The following SUMF1 variants were observed in gnomAD, a reference collection of about 807,000 sequenced individuals.
SUMF1 encodes formylglycine-generating enzyme.
SUMF1 carries 48 observed loss-of-function variants against 47.6 expected under a neutral mutation model. The ratio of observed to expected loss-of-function variants is 1.01; its 90% CI spans 0.80 to 1.28. The LOEUF is 1.28. Among genes scored for constraint, SUMF1 ranks in the 50% most tolerant of loss-of-function variants. The pLI is 0.00. For missense variants in SUMF1, 571 were observed against 485.4 expected (o/e 1.18, Z -1.66); for synonymous variants, 230 against 192.1 (o/e 1.20, Z -1.63).
At chr3:4,179,664 A>G (rs1342925227) in intron 8 of SUMF1, among the ~76,000 whole-genome samples, 1 of 152,192 alleles carries the variant, frequency 6.6e-6, no homozygotes, top group African/African-American at 2.4e-5. Context: ...CACCAAAAGC[A>G]ATGGCAACAA....
intron 8 of SUMF1, among the ~76,000 whole-genome samples, chr3:4,163,709 G>C (rs754753429): frequency 1.3e-5 from 2 of 151,694 alleles, no homozygotes; most frequent in Non-Finnish European, 2.9e-5. Flanking sequence ...ACAACATCTG[G>C]GTTTCCTAAC....
chr3:4,376,408 G>A lies in SUMF1; in HGVS notation c.955-19C>T. 2 of 1,613,898 alleles carry A rather than the reference G, an allele frequency of 1.2e-6. No homozygotes were observed. Among genetic ancestry groups the A allele is most frequent in the Non-Finnish European group, 1.7e-6 (2 of 1,179,794 alleles). ...GACCTTTCTACAGATGAAGAAAAAAGGCTATGTTAGACCAGAAGGCAAAGC... is the reference window on the plus strand; with the variant it reads ...GACCTTTCTACAGATGAAGAAAAAAAGCTATGTTAGACCAGAAGGCAAAGC... On this transcript the variant is annotated intron_variant, in intron 7 of 8. Coordinates refer to ENST00000272902, the MANE Select transcript of SUMF1 (RefSeq NM_182760.4).
rs775114482 is a variant in SUMF1, at chr3:4,316,975, C to T, written c.1014+59355G>A. On this transcript the variant is annotated intron_variant and NMD_transcript_variant, in intron 8 of 12. Coordinates refer to the SUMF1 transcript ENST00000448413. ...CACGACAATGCCCGACCGCATGTTG[C>T]ACAACCCACACTTCAAAAGTTGAAT... is the stretch of plus-strand genomic sequence containing the variant. 6.5e-6 allele frequency: 10 copies of T among 1,549,286 alleles called. No individual in the cohort carries two copies. The South Asian group carries it at 1.1e-4, about 17-fold the overall frequency.
At chr3:4,144,696 A>C (rs1399150161) in intron 8 of SUMF1, among the ~76,000 whole-genome samples, 1 of 152,160 alleles carries the variant, frequency 6.6e-6, no homozygotes, top group East Asian at 1.9e-4. Context: ...TAATATTCAG[A>C]ATGATTACCC....
At chr3:4,401,779 T>A (rs1212371382) in intron 7 of SUMF1, among the ~76,000 whole-genome samples, 1 of 152,200 alleles carries the variant, frequency 6.6e-6, no homozygotes, top group East Asian at 1.9e-4. Context: ...TCTTTTCTTT[T>A]AATGGTTCTG....
intron 8 of SUMF1, among the ~76,000 whole-genome samples, chr3:4,166,251 G>A (rs756543689): frequency 6.6e-6 from 1 of 152,126 alleles, no homozygotes; most frequent in Non-Finnish European, 1.5e-5. Context: ...CCTATAAGAT[G>A]ATATGCCTCA....
intron 8 of SUMF1, among the ~76,000 whole-genome samples, chr3:4,134,858 A>C (rs1351616980): frequency 6.6e-6 from 1 of 152,172 alleles, no homozygotes; most frequent in East Asian, 1.9e-4. Flanking sequence ...ACACAAATAA[A>C]CTAGAAAATC....
chr3:4,177,280 T>C (rs1488634060), intron 8 of SUMF1, among the ~76,000 whole-genome samples: 1 of 152,120 alleles, frequency 6.6e-6, no homozygotes, highest in Non-Finnish European at 1.5e-5. Context: ...ATTGACCACA[T>C]AATTGGAAGT....
intron 8 of SUMF1, among the ~76,000 whole-genome samples, chr3:4,172,573 G>A (rs547995518): frequency 6.6e-6 from 1 of 152,260 alleles, no homozygotes; most frequent in South Asian, 2.1e-4. Flanking sequence ...TTCAGATGGG[G>A]TTAAGTTACT....
chr3:4,313,688 G>T, intron 8 of SUMF1: 4 of 1,613,984 alleles, frequency 2.5e-6, no homozygotes, highest in Non-Finnish European at 2.5e-6. Flanking sequence ...ATCAGTTGTG[G>T]AAATGAGAAG....
intron 8 of SUMF1, among the ~76,000 whole-genome samples, chr3:4,173,916 A>C (rs962726290): frequency 6.6e-6 from 1 of 152,130 alleles, no homozygotes; most frequent in African/African-American, 2.4e-5. Context: ...ATTAGGAGAA[A>C]TACCTAATGT....
chr3:4,284,110 G>A (rs984507921), intron 8 of SUMF1, among the ~76,000 whole-genome samples: 2 of 152,042 alleles, frequency 1.3e-5, no homozygotes, highest in African/African-American at 4.8e-5. Context: ...CTAAGAACGC[G>A]AAGTGCTAAC....
intron 8 of SUMF1, among the ~76,000 whole-genome samples, chr3:4,128,419 C>G (rs149484945): frequency 8.4e-4 from 128 of 152,266 alleles, no homozygotes; most frequent in African/African-American, 2.9e-3. Context: ...TCCCTATCCC[C>G]AGTAGTGGCA....
intron 8 of SUMF1, among the ~76,000 whole-genome samples, chr3:4,190,911 C>T (rs775137048): frequency 2.6e-5 from 4 of 152,140 alleles, no homozygotes; most frequent in Admixed American, 6.5e-5. Context: ...ATAAGCAATA[C>T]ACAAAACACA....
chr3:4,321,488 A>AAAAAAAAG (rs1698831511), intron 8 of SUMF1, among the ~76,000 whole-genome samples: 1 of 148,048 alleles, frequency 6.8e-6, no homozygotes, highest in Non-Finnish European at 1.5e-5. Context: ...AAAAAAAAAA[A>AAAAAAAAG]AAAAAGAAAA....
chr3:4,208,161 C>A lies in SUMF1; in HGVS notation c.1015-139416G>T, dbSNP rs1055188712. On this transcript the variant is annotated intron_variant and NMD_transcript_variant, in intron 8 of 12. Coordinates refer to the SUMF1 transcript ENST00000448413. ...GCTGGGGTTTTACCAGAGCCTACTT[C>A]AGAAAAAGGAAATACCCAACTCCAG... Among the ~76,000 whole-genome samples, 3 of 152,090 alleles carry A rather than the reference C, an allele frequency of 2.0e-5. No homozygotes were observed. The South Asian group carries it at 6.2e-4, about 32-fold the overall frequency.
chr3:4,151,405 GTA>G (rs1406535719), intron 8 of SUMF1, among the ~76,000 whole-genome samples: 2 of 142,772 alleles, frequency 1.4e-5, no homozygotes, highest in Non-Finnish European at 3.0e-5. Flanking sequence ...ATATGTATAT[GTA>G]TATATGTATA....
At chr3:4,067,614 C>T (rs1695407217) in intron 9 of SUMF1, among the ~76,000 whole-genome samples, 1 of 152,212 alleles carries the variant, frequency 6.6e-6, no homozygotes, top group African/African-American at 2.4e-5. Flanking sequence ...CCAGAATGGG[C>T]AGCTCATCCA....
chr3:4,444,912 T>C (rs1379485464), intron 3 of SUMF1, among the ~76,000 whole-genome samples: 1 of 151,676 alleles, frequency 6.6e-6, no homozygotes, highest in Admixed American at 6.6e-5. Flanking sequence ...GGATGAGGGG[T>C]AGGGGAGGGA....
Sources: allele counts gnomAD v4.1 joint callset (sites outside exome capture counted in the v4.1 genomes callset), GRCh38; gene constraint gnomAD v4.1.1; transcripts MANE v1.5; gene names NCBI Gene and HGNC (gene_info 2026-07-23, HGNC 2026-07-21).